The following DCDC1 variants were observed in gnomAD, a reference collection of about 807,000 sequenced individuals.
The protein encoded by DCDC1 is doublecortin domain-containing protein 1.
DCDC1 carries 200 observed loss-of-function variants against 178.3 expected under a neutral mutation model. The observed-to-expected ratio is 1.12, with a 90% CI of 1.00 to 1.26. DCDC1 has a LOEUF of 1.26. DCDC1 is among the 50% of genes most tolerant of loss of function. The pLI, the probability that DCDC1 is intolerant of heterozygous loss-of-function variation, is 0.00. For synonymous variants in DCDC1, 690 were observed against 604.8 expected, an observed-to-expected ratio of 1.14 and a Z score of -2.07; for missense variants, 1,983 against 1,749.2, an observed-to-expected ratio of 1.13 and a Z score of -2.38.
At chr11:31,266,948 T>C (rs1265037085) in intron 7 of DCDC1, among the ~76,000 whole-genome samples, 1 of 152,228 alleles carries the variant, frequency 6.6e-6, no homozygotes, top group Non-Finnish European at 1.5e-5. Context: ...CAAATTAATT[T>C]GACAAATTGG....
chr11:31,082,982 T>C (rs1426213621), intron 17 of DCDC1, among the ~76,000 whole-genome samples: 1 of 152,226 alleles, frequency 6.6e-6, no homozygotes, highest in African/African-American at 2.4e-5. Context: ...AACTTTCTAT[T>C]TGATGTTGAC....
At chr11:31,164,374 T>C (rs1209316431) in intron 9 of DCDC1, among the ~76,000 whole-genome samples, 4 of 152,072 alleles carry the variant, frequency 2.6e-5, no homozygotes, top group Admixed American at 2.0e-4. Flanking sequence ...CAGGCAGGTG[T>C]TTCAGGAGGT....
intron 36 of DCDC1, among the ~76,000 whole-genome samples, chr11:30,886,236 T>TA (rs1565026269): frequency 6.6e-6 from 1 of 152,198 alleles, no homozygotes; most frequent in Non-Finnish European, 1.5e-5. Context: ...CTAATTTTAA[T>TA]ACAATGACTA....
At chr11:30,935,767 TG>T (rs1272905663) in intron 21 of DCDC1, among the ~76,000 whole-genome samples, 3 of 152,210 alleles carry the variant, frequency 2.0e-5, no homozygotes, top group Admixed American at 2.0e-4. Context: ...TTGGTCAGGC[TG>T]GTCTCGAACT....
At chr11:31,101,939 T>C (rs1409761266) in intron 15 of DCDC1, among the ~76,000 whole-genome samples, 2 of 152,056 alleles carry the variant, frequency 1.3e-5, no homozygotes, top group African/African-American at 4.8e-5. Flanking sequence ...TAGCCAGGCA[T>C]GGTGGCGCGT....
At chr11:31,113,283 T>G (rs181819196) in intron 11 of DCDC1, among the ~76,000 whole-genome samples, 21 of 152,250 alleles carry the variant, frequency 1.4e-4, no homozygotes, top group Non-Finnish European at 2.8e-4. Context: ...CTGTAACATT[T>G]TCTTTTTTGT....
chr11:31,344,173 G>A lies in DCDC1; in HGVS notation c.-124-8609C>T, dbSNP rs184439270. On this transcript the variant is annotated intron_variant, in intron 1 of 38. Transcript: ENST00000684477. ...ATTGACAATTAAATGAGAACTAATC[G>A]TTCATTAGAAATTAAAGAAATAAAA... Among the ~76,000 whole-genome samples, 24 of 152,152 alleles carry A rather than the reference G, an allele frequency of 1.6e-4. No homozygotes were observed. In the East Asian group the frequency reaches 3.1e-3, roughly 20 times the overall value.
intron 8 of DCDC1, among the ~76,000 whole-genome samples, chr11:31,262,250 G>T (rs926433306): frequency 6.8e-6 from 1 of 146,460 alleles, no homozygotes; most frequent in Admixed American, 6.8e-5. Context: ...CTGGGCAACA[G>T]AGCAAGACCT....
intron 8 of DCDC1, among the ~76,000 whole-genome samples, chr11:31,259,063 G>A (rs536162265): frequency 3.1e-4 from 47 of 152,118 alleles, no homozygotes; most frequent in East Asian, 1.5e-3. Flanking sequence ...TCTCACTCTC[G>A]GTTCCCTAAG....
chr11:31,345,695 T>C (rs1472889293), intron 1 of DCDC1, among the ~76,000 whole-genome samples: 2 of 152,214 alleles, frequency 1.3e-5, no homozygotes, highest in Non-Finnish European at 2.9e-5. Context: ...TCTTTGGAGA[T>C]TGCTGGACCA....
At chr11:31,104,465 G>T (rs961057711) in intron 13 of DCDC1, among the ~76,000 whole-genome samples, 6 of 151,940 alleles carry the variant, frequency 3.9e-5, no homozygotes, top group Admixed American at 2.6e-4. Flanking sequence ...CAAGAAAAAT[G>T]CCTGGACTCT....
intron 1 of DCDC1, among the ~76,000 whole-genome samples, chr11:31,355,380 C>T (rs1951287035): frequency 6.6e-6 from 1 of 152,130 alleles, no homozygotes; most frequent in African/African-American, 2.4e-5. Flanking sequence ...ATTACAGAAT[C>T]AGGCAAGAGC....
chr11:30,898,167 C>G (rs1590274440), intron 34 of DCDC1, among the ~76,000 whole-genome samples: 1 of 152,070 alleles, frequency 6.6e-6, no homozygotes. Flanking sequence ...AAGGGCCACG[C>G]TGAGGAGTTT....
intron 21 of DCDC1, among the ~76,000 whole-genome samples, chr11:30,932,392 AAAT>A (rs1487054704): frequency 6.6e-6 from 1 of 152,206 alleles, no homozygotes; most frequent in African/African-American, 2.4e-5. Context: ...AAATAAAATA[AAAT>A]AATGAACATA....
At position 31,042,916 on chromosome 11, in the gene DCDC1, C is replaced by T. The variant is rs540331312; in HGVS notation, c.2591+21553G>A. Among the ~76,000 whole-genome samples, 11 of 152,272 alleles carry T rather than the reference C, an allele frequency of 7.2e-5. No individual in the cohort carries two copies. The East Asian group carries it at 1.5e-3, about 21-fold the overall frequency. Reference sequence around the variant, plus strand: ...TCATAAAGAACCCTTCCCAAAAGGGCTTTGTTTAAACAGTCATACATCATT... The same window carrying T: ...TCATAAAGAACCCTTCCCAAAAGGGTTTTGTTTAAACAGTCATACATCATT... On this transcript the variant is annotated intron_variant, in intron 20 of 38. Coordinates refer to ENST00000684477, the MANE Select transcript of DCDC1 (RefSeq NM_001387274.1).
At chr11:31,323,091 G>A (rs532534613) in intron 3 of DCDC1, among the ~76,000 whole-genome samples, 2 of 152,230 alleles carry the variant, frequency 1.3e-5, no homozygotes, top group African/African-American at 4.8e-5. Flanking sequence ...GGAAATTTCA[G>A]TATAAGCATA....
intron 3 of DCDC1, among the ~76,000 whole-genome samples, chr11:31,315,562 T>A (rs1025879671): frequency 2.6e-5 from 4 of 151,410 alleles, no homozygotes; most frequent in African/African-American, 9.7e-5. Context: ...GGTCTCGATC[T>A]CCTGACCTTG....
intron 37 of DCDC1, among the ~76,000 whole-genome samples, chr11:30,880,086 C>G (rs940124454): frequency 2.0e-5 from 3 of 152,070 alleles, no homozygotes; most frequent in African/African-American, 7.2e-5. Flanking sequence ...ATTTTATAAC[C>G]TACAAACTGG....
intron 9 of DCDC1, among the ~76,000 whole-genome samples, chr11:31,151,583 TAATAC>T (rs1007981743): frequency 5.3e-5 from 8 of 152,230 alleles, no homozygotes; most frequent in Non-Finnish European, 7.3e-5. Flanking sequence ...TAATCTATTC[TAATAC>T]AATACAACAA....
Sources: allele counts gnomAD v4.1 joint callset (sites outside exome capture counted in the v4.1 genomes callset), GRCh38; gene constraint gnomAD v4.1.1; transcripts MANE v1.5; gene names NCBI Gene and HGNC (gene_info 2026-07-23, HGNC 2026-07-21).